Variants in PKHD1 observed in about 807,000 individuals in gnomAD.
PKHD1 encodes PKHD1 ciliary IPT domain containing fibrocystin/polyductin.
A neutral mutation model predicts 412.0 loss-of-function variants in PKHD1; 291 were observed. That is an observed-to-expected ratio of 0.71 (90% confidence interval 0.64 to 0.78). The LOEUF is 0.78. Among genes scored for constraint, PKHD1 ranks in the 30% least tolerant of loss-of-function variants. PKHD1 has a pLI of 0.00. For missense variants in PKHD1, 4,825 were observed against 4,950.7 expected (o/e 0.97, Z 0.76); for synonymous variants, 1,777 against 1,821.5 (o/e 0.98, Z 0.62).
intron 53 of PKHD1, among the ~76,000 whole-genome samples, chr6:51,780,872 T>C (rs553947700): frequency 6.6e-6 from 1 of 152,320 alleles, no homozygotes; most frequent in African/African-American, 2.4e-5. Context: ...CAGGTGCTAG[T>C]CACTGAATCC....
intron 53 of PKHD1, among the ~76,000 whole-genome samples, chr6:51,790,662 C>T (rs764291556): frequency 6.6e-6 from 1 of 152,166 alleles, no homozygotes; most frequent in Non-Finnish European, 1.5e-5. Context: ...ACCAAGCAAA[C>T]CAAGCATGCT....
chr6:51,792,491 G>A (rs1457306259), intron 52 of PKHD1, among the ~76,000 whole-genome samples: 1 of 152,158 alleles, frequency 6.6e-6, no homozygotes, highest in African/African-American at 2.4e-5. Context: ...TTATAAGAAT[G>A]GCCATGCCCT....
intron 21 of PKHD1, among the ~76,000 whole-genome samples, chr6:52,051,225 T>C (rs994380431): frequency 5.9e-5 from 9 of 152,194 alleles, no homozygotes; most frequent in Admixed American, 5.9e-4. Context: ...TAGCCTTGGT[T>C]TCCCCACCCA....
intron 50 of PKHD1, among the ~76,000 whole-genome samples, chr6:51,839,119 GT>G (rs1769737103): frequency 1.3e-5 from 2 of 152,312 alleles, no homozygotes; most frequent in South Asian, 4.1e-4. Context: ...ATCTGCTAAA[GT>G]TTGTTAAGTG....
chr6:51,625,821 A>C (rs1256818411), intron 66 of PKHD1, among the ~76,000 whole-genome samples: 1 of 152,196 alleles, frequency 6.6e-6, no homozygotes. Flanking sequence ...ACCTGTCCTG[A>C]GTTTACATGC....
chr6:51,854,954 G>T (rs1773009774), intron 49 of PKHD1, among the ~76,000 whole-genome samples: 1 of 152,244 alleles, frequency 6.6e-6, no homozygotes, highest in African/African-American at 2.4e-5. Flanking sequence ...GCCAGTGCTG[G>T]TCGCCCCTCC....
At chr6:51,977,235 A>G (rs923015744) in intron 35 of PKHD1, among the ~76,000 whole-genome samples, 2 of 152,170 alleles carry the variant, frequency 1.3e-5, no homozygotes, top group Non-Finnish European at 2.9e-5. Flanking sequence ...AACCCTCAGT[A>G]TATATGCTTC....
chr6:51,951,113 C>T (rs900460716), intron 36 of PKHD1, among the ~76,000 whole-genome samples: 1 of 152,132 alleles, frequency 6.6e-6, no homozygotes, highest in Admixed American at 6.5e-5. Context: ...GGAACTCAAA[C>T]ACTAAGATAT....
chr6:51,709,397 T>C (rs2150750095), intron 60 of PKHD1, among the ~76,000 whole-genome samples: 1 of 152,326 alleles, frequency 6.6e-6, no homozygotes, highest in South Asian at 2.1e-4. Flanking sequence ...CAGTGATGAT[T>C]TATTCTTGTT....
chr6:51,747,762 G>A (rs898389259), intron 58 of PKHD1, 25 bp downstream of exon 58: 3 of 1,597,764 alleles, frequency 1.9e-6, no homozygotes, highest in East Asian at 2.2e-5. Flanking sequence ...AAATGGCACT[G>A]CCTAGATAAA....
intron 60 of PKHD1, among the ~76,000 whole-genome samples, chr6:51,737,321 C>T (rs1783980167): frequency 6.6e-6 from 1 of 152,158 alleles, no homozygotes; most frequent in East Asian, 1.9e-4. Flanking sequence ...AAAACATACA[C>T]TTAGTATCAA....
chr6:51,923,297 G>A (rs553531951), intron 37 of PKHD1, among the ~76,000 whole-genome samples: 2 of 152,272 alleles, frequency 1.3e-5, no homozygotes, highest in South Asian at 4.1e-4. Context: ...AAAGAACAGG[G>A]AGATAATAAA....
At position 51,662,033 on chromosome 6, in the gene PKHD1, T is replaced by C. The variant is rs1450549919; in HGVS notation, c.10157-2064A>G. 2.6e-5 allele frequency among the ~76,000 whole-genome samples: 4 copies of C among 151,884 alleles called. No individual in the cohort carries two copies. The East Asian group carries it at 5.8e-4, about 22-fold the overall frequency. ...ACATGTTTTACTTTTTCTTCAACAA[T>C]AACAGCAAAAACAGGGATGATTAAA... On this transcript the variant is annotated intron_variant, in intron 60 of 66. Transcript: ENST00000371117.
At chr6:51,627,527 T>A (rs928579264) in intron 65 of PKHD1, among the ~76,000 whole-genome samples, 1 of 152,020 alleles carries the variant, frequency 6.6e-6, no homozygotes, top group Non-Finnish European at 1.5e-5. Context: ...GCCTTGCATA[T>A]GTGGCTCATG....
chr6:51,826,119 A>T (rs749710762), intron 52 of PKHD1, among the ~76,000 whole-genome samples: 26 of 152,300 alleles, frequency 1.7e-4, no homozygotes, highest in Non-Finnish European at 2.9e-4. Context: ...TTACTTTCTG[A>T]TTTATGATCA....
intron 61 of PKHD1, among the ~76,000 whole-genome samples, chr6:51,650,860 T>C (rs1440917609): frequency 1.3e-5 from 2 of 152,150 alleles, no homozygotes; most frequent in Non-Finnish European, 2.9e-5. Context: ...CTAGGGCTTC[T>C]TTCCTTTTTT....
chr6:51,669,155 G>A (rs1257219977), intron 60 of PKHD1, among the ~76,000 whole-genome samples: 4 of 152,122 alleles, frequency 2.6e-5, no homozygotes, highest in South Asian at 2.1e-4. Context: ...GGTAGAATTC[G>A]GCTGTGAATC....
rs545815581 is a variant in PKHD1 at position 51,771,037 on chromosome 6, TC to T, written c.8642+1664del. 1.7e-4 allele frequency among the ~76,000 whole-genome samples: 26 copies of T among 152,214 alleles called. No homozygotes were observed. The South Asian group carries it at 5.4e-3, about 32-fold the overall frequency. ...TGCCTTAAGACGGCAAACCAGTTCT[TC>T]CGTACTTTACAACATACTGGCCTGC... On this transcript the variant is annotated intron_variant, in intron 55 of 66. Transcript: ENST00000371117.
At position 52,058,570 on chromosome 6, in the gene PKHD1, G is replaced by A. The variant is rs1355905476; in HGVS notation, c.1265C>T (p.Ala422Val). Residue 422 changes from alanine (A) to valine (V), a missense_variant, in exon 16 of 67, where the codon GCT (alanine) becomes GTT (valine). By Grantham distance (64) the Ala-to-Val change is moderately conservative (BLOSUM62 0). Coordinates refer to ENST00000371117, the MANE Select transcript of PKHD1 (RefSeq NM_138694.4). Reference protein sequence around the residue: ...VKVASISVGTADWFDSWEQNR... With the variant: ...VKVASISVGTVDWFDSWEQNR... Reference sequence around the variant, plus strand: ...CTGCTCCCAGGAGTCAAACCAGTCAGCAGTGCCGACGCTGATGGAGGCCAC... The same window carrying A: ...CTGCTCCCAGGAGTCAAACCAGTCAACAGTGCCGACGCTGATGGAGGCCAC... 2 of 1,614,138 alleles carry A rather than the reference G, an allele frequency of 1.2e-6. No homozygotes were observed. Among genetic ancestry groups the A allele is most frequent in the Admixed American group, 1.7e-5 (1 of 60,016 alleles).
Sources: gnomAD v4.1 joint callset for allele counts (sites outside exome capture counted in the v4.1 genomes callset) on GRCh38, gnomAD v4.1.1 for gene constraint, MANE v1.5 for transcripts, NCBI Gene and HGNC (gene_info 2026-07-23, HGNC 2026-07-21) for gene names.